IQCM: variants seen among roughly 807,000 people sequenced by gnomAD.
IQCM encodes the protein IQ domain-containing protein M.
IQCM carries 45 observed loss-of-function variants against 57.6 expected under a neutral mutation model. That is an observed-to-expected ratio of 0.78 (90% CI 0.62 to 1.00). The LOEUF (loss-of-function observed/expected upper bound fraction) is 1.00. Ranked by LOEUF, IQCM falls within the 50% of genes least tolerant of loss-of-function variation. The pLI is 0.00. For missense variants in IQCM, 468 were observed against 511.6 expected, an observed-to-expected ratio of 0.91 and a Z score of 0.82; for synonymous variants, 148 against 158.9, an observed-to-expected ratio of 0.93 and a Z score of 0.51.
chr4:149,424,463 C>T (rs1332419171), intron 13 of IQCM, among the ~76,000 whole-genome samples: 1 of 151,640 alleles, frequency 6.6e-6, no homozygotes, highest in East Asian at 1.9e-4. Context: ...ACTTTTATTA[C>T]ATTAAAAAAT....
At chr4:149,589,190 G>A (rs1752901739) in intron 8 of IQCM, among the ~76,000 whole-genome samples, 1 of 151,918 alleles carries the variant, frequency 6.6e-6, no homozygotes, top group South Asian at 2.1e-4. Context: ...TAGGGAAGAG[G>A]AATTTGAAGT....
At chr4:149,638,406 G>A (rs549924690) in intron 7 of IQCM, among the ~76,000 whole-genome samples, 1 of 151,812 alleles carries the variant, frequency 6.6e-6, no homozygotes, top group Middle Eastern at 3.4e-3. Context: ...TGCACAGCCA[G>A]GTATTAAAAA....
intron 8 of IQCM, among the ~76,000 whole-genome samples, chr4:149,604,364 A>G (rs1263558304): frequency 6.6e-6 from 1 of 152,168 alleles, no homozygotes; most frequent in East Asian, 1.9e-4. Context: ...GTGTTATAAA[A>G]CTTTGCCTTT....
chr4:149,399,951 C>T (rs1215967540), intron 13 of IQCM, among the ~76,000 whole-genome samples: 2 of 151,844 alleles, frequency 1.3e-5, no homozygotes, highest in Non-Finnish European at 2.9e-5. Context: ...TAAGGGTGGA[C>T]ACACACACAT....
chr4:149,770,447 C>G (rs1318274278), intron 2 of IQCM, among the ~76,000 whole-genome samples: 1 of 151,906 alleles, frequency 6.6e-6, no homozygotes, highest in Non-Finnish European at 1.5e-5. Context: ...TTCTGTGAGG[C>G]AAGTATTAAG....
rs533800049 is a variant in IQCM, at chr4:149,713,778, T to C, written c.385+19466A>G. 1.7e-4 allele frequency among the ~76,000 whole-genome samples: 26 copies of C among 152,278 alleles called. No individual in the cohort carries two copies. In the South Asian group the frequency reaches 5.0e-3, roughly 29 times the overall value. On this transcript the variant is annotated intron_variant, in intron 5 of 13. Transcript: ENST00000636793. ...ATCTAAGGCCCAACCCCTGTACTTATATTACAACAGCTCTCATCCACTCTC... is the reference window on the plus strand; with the variant it reads ...ATCTAAGGCCCAACCCCTGTACTTACATTACAACAGCTCTCATCCACTCTC...
intron 5 of IQCM, among the ~76,000 whole-genome samples, chr4:149,703,393 T>C (rs1763911815): frequency 6.6e-6 from 1 of 151,768 alleles, no homozygotes; most frequent in South Asian, 2.1e-4. Flanking sequence ...TGTTTAGGAG[T>C]AGATTGTTTG....
chr4:149,673,942 G>T, intron 7 of IQCM, among the ~76,000 whole-genome samples: 1 of 152,140 alleles, frequency 6.6e-6, no homozygotes, highest in East Asian at 1.9e-4. Flanking sequence ...AAACTCTAAA[G>T]AACTTTAAAC....
intron 13 of IQCM, among the ~76,000 whole-genome samples, chr4:149,354,412 T>G (rs1728814837): frequency 7.1e-6 from 1 of 141,488 alleles, no homozygotes; most frequent in Non-Finnish European, 1.5e-5. Context: ...GCCACAGTAA[T>G]TGCAAAACAA....
chr4:149,453,218 G>C (rs1201498828), intron 12 of IQCM, among the ~76,000 whole-genome samples: 1 of 151,676 alleles, frequency 6.6e-6, no homozygotes, highest in Non-Finnish European at 1.5e-5. Context: ...ATGGATGATA[G>C]TCCTAAGTTT....
At chr4:149,391,806 T>G (rs1314738053) in intron 13 of IQCM, among the ~76,000 whole-genome samples, 1 of 152,010 alleles carries the variant, frequency 6.6e-6, no homozygotes, top group Admixed American at 6.6e-5. Context: ...TGATGTTGAT[T>G]TCTAATTTAA....
At chr4:149,776,717 G>A (rs1371819671) in intron 2 of IQCM, among the ~76,000 whole-genome samples, 2 of 152,106 alleles carry the variant, frequency 1.3e-5, no homozygotes, top group Non-Finnish European at 2.9e-5. Flanking sequence ...AAAATGTAAA[G>A]AGGGATGTCC....
At chr4:149,487,182 C>A (rs1027100624) in intron 12 of IQCM, among the ~76,000 whole-genome samples, 4 of 152,106 alleles carry the variant, frequency 2.6e-5, no homozygotes, top group African/African-American at 9.7e-5. Flanking sequence ...CCCTTCAAGG[C>A]AGCAGATTCC....
intron 2 of IQCM, among the ~76,000 whole-genome samples, chr4:149,782,533 C>T (rs75391409): frequency 0.011 from 1,674 of 150,662 alleles, 11 homozygotes; most frequent in Non-Finnish European, 0.016. Flanking sequence ...TTGCTTGAGC[C>T]CAGGCTGCAA....
At chr4:149,569,938 T>G (rs1750998316) in intron 9 of IQCM, among the ~76,000 whole-genome samples, 1 of 152,118 alleles carries the variant, frequency 6.6e-6, no homozygotes. Flanking sequence ...TGAATCAATT[T>G]ATAAACTTCA....
At chr4:149,609,006 G>GA (rs2150048750) in intron 8 of IQCM, among the ~76,000 whole-genome samples, 1 of 151,476 alleles carries the variant, frequency 6.6e-6, no homozygotes, top group South Asian at 2.1e-4. Flanking sequence ...GAGCCAGACT[G>GA]AAAAAACAAA....
intron 7 of IQCM, among the ~76,000 whole-genome samples, chr4:149,649,799 T>G (rs1264553579): frequency 6.6e-6 from 1 of 152,196 alleles, no homozygotes; most frequent in Admixed American, 6.5e-5. Flanking sequence ...GGATTGTATT[T>G]AAATCTCTTG....
chr4:149,602,714 T>C (rs1754425339), intron 8 of IQCM, among the ~76,000 whole-genome samples: 2 of 152,080 alleles, frequency 1.3e-5, no homozygotes, highest in East Asian at 1.9e-4. Flanking sequence ...AATAACTTAA[T>C]AAAGTTAATA....
At chr4:149,480,533 G>A (rs974301565) in intron 12 of IQCM, among the ~76,000 whole-genome samples, 31 of 152,128 alleles carry the variant, frequency 2.0e-4, no homozygotes, top group Non-Finnish European at 1.5e-5. Context: ...TTCTGTGCCT[G>A]GTTTATTTCA....
Sources: gnomAD v4.1 joint callset for allele counts (sites outside exome capture counted in the v4.1 genomes callset) on GRCh38, gnomAD v4.1.1 for gene constraint, MANE v1.5 for transcripts, NCBI Gene and HGNC (gene_info 2026-07-23, HGNC 2026-07-21) for gene names.